Variants in WDR70 observed in about 807,000 individuals in gnomAD.
WDR70 encodes the protein WD repeat domain 70.
WDR70 carries 53 observed loss-of-function variants against 88.6 expected under a neutral mutation model. The ratio of observed to expected loss-of-function variants is 0.60; its 90% CI spans 0.48 to 0.75. The LOEUF (loss-of-function observed/expected upper bound fraction) is 0.75. Among genes scored for constraint, WDR70 ranks in the 30% least tolerant of loss-of-function variants. The probability of loss-of-function intolerance (pLI) is 0.00; values close to 1 mark genes in which losing one functional copy is unlikely to be tolerated. For missense variants in WDR70, 610 were observed against 823.2 expected (o/e 0.74, Z 3.17); for synonymous variants, 280 against 270.0 (o/e 1.04, Z -0.36).
At chr5:37,727,119 T>C in intron 17 of WDR70, 74 bp downstream of exon 17, 2 of 1,519,054 alleles carry the variant, frequency 1.3e-6, no homozygotes, top group Non-Finnish European at 1.8e-6. Context: ...AATGTTGTTT[T>C]TGAGTTCTAA....
At chr5:37,691,076 T>C (rs1746780405) in intron 10 of WDR70, among the ~76,000 whole-genome samples, 1 of 152,200 alleles carries the variant, frequency 6.6e-6, no homozygotes, top group African/African-American at 2.4e-5. Flanking sequence ...GTTGCAATCC[T>C]AGTCTCCGAT....
intron 8 of WDR70, among the ~76,000 whole-genome samples, chr5:37,513,903 A>G (rs1581353055): frequency 6.6e-6 from 1 of 152,156 alleles, no homozygotes; most frequent in East Asian, 1.9e-4. Context: ...CCCAGGATCA[A>G]TACTTTGTAT....
rs748977751 is a variant in WDR70, at chr5:37,437,975, T to C, written c.546T>C (p.Thr182=). 1.2e-6 allele frequency: 2 copies of C among 1,609,106 alleles called. No individual in the cohort carries two copies. The highest frequency in any genetic ancestry group is 1.7e-6 in the Non-Finnish European group (2 of 1,177,764). The change falls in exon 6 of 18, where the codon ACT becomes ACC. Residue 182 remains threonine (T), a synonymous_variant. Coordinates refer to ENST00000265107, the MANE Select transcript of WDR70 (RefSeq NM_018034.4). The part of the protein sequence containing the change: ...DSHEITLKHG[T]KTVSALGLDP... ...ATGAGATAACGCTGAAGCATGGCAC[T>C]AAAACAGTAAGTTTAAAAATCTAGT...
intron 5 of WDR70, among the ~76,000 whole-genome samples, chr5:37,414,352 G>C (rs900676816): frequency 6.6e-6 from 1 of 151,788 alleles, no homozygotes; most frequent in African/African-American, 2.4e-5. Flanking sequence ...TCTTATTCCC[G>C]CATGGAAACT....
intron 2 of WDR70, 59 bp from the exon 3 acceptor site, chr5:37,381,543 C>G: frequency 6.9e-7 from 1 of 1,453,654 alleles, no homozygotes; most frequent in Non-Finnish European, 9.6e-7. Context: ...TATTGATCAC[C>G]TAAAGTTTGG....
At chr5:37,565,673 C>T (rs1167231443) in intron 9 of WDR70, among the ~76,000 whole-genome samples, 1 of 151,876 alleles carries the variant, frequency 6.6e-6, no homozygotes, top group Non-Finnish European at 1.5e-5. Context: ...TTATGTAGTC[C>T]ACTGGAATTT....
At chr5:37,590,282 C>T (rs1488602508) in intron 9 of WDR70, among the ~76,000 whole-genome samples, 2 of 152,084 alleles carry the variant, frequency 1.3e-5, no homozygotes, top group Admixed American at 6.5e-5. Flanking sequence ...TTTAATTATT[C>T]CCTATTTTTA....
chr5:37,497,454 T>TTCCGTCTTC (rs1317146969), intron 8 of WDR70, among the ~76,000 whole-genome samples: 1 of 110,220 alleles, frequency 9.1e-6, no homozygotes, highest in Admixed American at 1.0e-4. Flanking sequence ...GTCTTCCCTT[T>TTCCGTCTTC]CCTTCCGTCT....
intron 7 of WDR70, among the ~76,000 whole-genome samples, chr5:37,477,190 A>C (rs987467482): frequency 1.3e-5 from 2 of 152,172 alleles, no homozygotes; most frequent in African/African-American, 4.8e-5. Flanking sequence ...TGCTTTTATT[A>C]GGGATCATTT....
chr5:37,677,131 C>CT (rs1408942454), intron 10 of WDR70, among the ~76,000 whole-genome samples: 1 of 151,890 alleles, frequency 6.6e-6, no homozygotes, highest in African/African-American at 2.4e-5. Flanking sequence ...CTCTTTTCTT[C>CT]TTTATTAGTC....
At chr5:37,557,960 A>AAAACTCTTCAAAAG (rs1561900824) in intron 9 of WDR70, among the ~76,000 whole-genome samples, 9 of 17,812 alleles carry the variant, frequency 5.1e-4, no homozygotes, top group Admixed American at 6.4e-4. Context: ...AAAGAGTATT[A>AAAACTCTTCAAAAG]TGTATATTTA....
At chr5:37,453,992 G>C (rs1015831458) in intron 7 of WDR70, among the ~76,000 whole-genome samples, 6 of 152,034 alleles carry the variant, frequency 3.9e-5, no homozygotes, top group African/African-American at 1.4e-4. Flanking sequence ...TTTCACATTT[G>C]TTTACTTCTA....
At chr5:37,555,719 T>C (rs1036134263) in intron 9 of WDR70, among the ~76,000 whole-genome samples, 2 of 57,174 alleles carry the variant, frequency 3.5e-5, no homozygotes, top group African/African-American at 6.6e-5. Flanking sequence ...TTTTTTTGTT[T>C]TGTTTTGTTT....
chr5:37,706,741 A>ACACACG (rs1360019303), intron 13 of WDR70, among the ~76,000 whole-genome samples: 3 of 151,752 alleles, frequency 2.0e-5, no homozygotes, highest in Admixed American at 1.3e-4. Context: ...ACACACACGC[A>ACACACG]CACAGACTCA....
chr5:37,425,544 T>C (rs1003168772), intron 5 of WDR70, among the ~76,000 whole-genome samples: 1 of 152,110 alleles, frequency 6.6e-6, no homozygotes, highest in Non-Finnish European at 1.5e-5. Flanking sequence ...AAAAAGCTCT[T>C]AGGTGAGTAT....
intron 13 of WDR70, among the ~76,000 whole-genome samples, chr5:37,709,132 T>G (rs559039051): frequency 6.6e-6 from 1 of 152,314 alleles, no homozygotes; most frequent in Non-Finnish European, 1.5e-5. Context: ...AAAGACTACA[T>G]TTGGCATTTG....
chr5:37,388,583 T>C (rs1344624995), intron 3 of WDR70, among the ~76,000 whole-genome samples: 1 of 133,090 alleles, frequency 7.5e-6, no homozygotes, highest in Non-Finnish European at 1.6e-5. Flanking sequence ...CTACTAAAAA[T>C]ACAAAAATTA....
intron 10 of WDR70, among the ~76,000 whole-genome samples, chr5:37,621,570 G>C (rs1360917390): frequency 6.6e-6 from 1 of 151,972 alleles, no homozygotes; most frequent in African/African-American, 2.4e-5. Context: ...CTTTTTGTTG[G>C]GGTTGTTTGT....
At chr5:37,407,249 G>A (rs1423337764) in intron 5 of WDR70, among the ~76,000 whole-genome samples, 2 of 152,120 alleles carry the variant, frequency 1.3e-5, no homozygotes, top group Non-Finnish European at 2.9e-5. Flanking sequence ...TCAGGCCGGT[G>A]TAGTGTTTAC....
Sources: gnomAD v4.1 joint callset for allele counts (sites outside exome capture counted in the v4.1 genomes callset) on GRCh38, gnomAD v4.1.1 for gene constraint, MANE v1.5 for transcripts, NCBI Gene and HGNC (gene_info 2026-07-23, HGNC 2026-07-21) for gene names.